METAP2: variants seen among roughly 807,000 people sequenced by gnomAD.
METAP2 encodes methionyl aminopeptidase 2.
In METAP2, 25 loss-of-function variants were observed where a neutral mutation model predicts 59.4. The observed-to-expected ratio is 0.42, with a 90% confidence interval of 0.31 to 0.59. The LOEUF (loss-of-function observed/expected upper bound fraction) is 0.59, where lower values mean the gene tolerates loss of function less well. METAP2 is among the 20% of genes least tolerant of loss of function. The pLI is 0.16. For synonymous variants in METAP2, 214 were observed against 194.1 expected, an observed-to-expected ratio of 1.10 and a Z score of -0.85; for missense variants, 366 against 581.2, an observed-to-expected ratio of 0.63 and a Z score of 3.81.
chr12:95,484,579 G>A lies in METAP2; in HGVS notation c.325+1299G>A, dbSNP rs527930536. ...ACCAGCAGGGAGGAGTGTTGTTAGA[G>A]GACTGTTTTATATTTGCCCTTGACA... On this transcript the variant is annotated intron_variant, in intron 3 of 10. Transcript: ENST00000323666. Among the ~76,000 whole-genome samples, 11 of 152,000 alleles carry A rather than the reference G, an allele frequency of 7.2e-5. No homozygotes were observed. In the East Asian group the frequency reaches 2.1e-3, roughly 29 times the overall value.
intron 2 of METAP2, chr12:95,482,143 C>T (rs1462703398): frequency 4.4e-6 from 2 of 453,466 alleles, no homozygotes; most frequent in African/African-American, 2.0e-5. Context: ...AGATCTCCCT[C>T]CCGTCACCCA....
intron 8 of METAP2, among the ~76,000 whole-genome samples, chr12:95,511,222 A>G (rs1411080313): frequency 6.6e-6 from 1 of 151,992 alleles, no homozygotes; most frequent in Non-Finnish European, 1.5e-5. Flanking sequence ...TATCTTTCAC[A>G]TTATCTTTTG....
intron 7 of METAP2, among the ~76,000 whole-genome samples, chr12:95,502,256 T>G (rs1052101614): frequency 6.6e-6 from 1 of 152,304 alleles, no homozygotes; most frequent in Non-Finnish European, 1.5e-5. Context: ...TCCTCCCACC[T>G]TGGCCTTCCA....
At chr12:95,508,349 A>G (rs773814690) in intron 8 of METAP2, among the ~76,000 whole-genome samples, 2 of 152,178 alleles carry the variant, frequency 1.3e-5, no homozygotes, top group Non-Finnish European at 2.9e-5. Flanking sequence ...TGCTGCTTCT[A>G]TTAACACTTT....
At chr12:95,478,115 C>T (rs1343677591) in intron 2 of METAP2, among the ~76,000 whole-genome samples, 1 of 151,830 alleles carries the variant, frequency 6.6e-6, no homozygotes, top group Admixed American at 6.6e-5. Flanking sequence ...ACCCGTCCAC[C>T]TCCCCCCACC....
chr12:95,484,986 A>G, intron 3 of METAP2: 2 of 425,000 alleles, frequency 4.7e-6, no homozygotes, highest in Non-Finnish European at 9.2e-6. Flanking sequence ...AACAAGCCAA[A>G]TAATATAATC....
At chr12:95,476,510 A>G (rs1200295089) in intron 2 of METAP2, among the ~76,000 whole-genome samples, 7 of 141,588 alleles carry the variant, frequency 4.9e-5, no homozygotes, top group African/African-American at 1.4e-4. Flanking sequence ...AGACTGTCTC[A>G]AAAAAAAGAA....
chr12:95,483,347 A>C, intron 3 of METAP2, 67 bp downstream of exon 3: 56 of 1,276,896 alleles, frequency 4.4e-5, no homozygotes, highest in Non-Finnish European at 5.6e-5. Context: ...GTGGTGGCTC[A>C]CACCTGTGAT....
intron 3 of METAP2, chr12:95,485,006 T>A: frequency 2.5e-6 from 1 of 395,542 alleles, no homozygotes; most frequent in South Asian, 1.9e-5. Context: ...CATGGGCAGT[T>A]CACTGCCCTC....
At chr12:95,475,839 T>G (rs1351325879) in intron 1 of METAP2, among the ~76,000 whole-genome samples, 1 of 152,226 alleles carries the variant, frequency 6.6e-6, no homozygotes, top group African/African-American at 2.4e-5. Flanking sequence ...TGTTTATCTT[T>G]TAGCTGCTAG....
chr12:95,507,129 C>T (rs572515775), intron 8 of METAP2, among the ~76,000 whole-genome samples: 2 of 152,318 alleles, frequency 1.3e-5, no homozygotes, highest in African/African-American at 4.8e-5. Context: ...AGAAAACACA[C>T]TTTGGGGTTC....
intron 8 of METAP2, 37 bp downstream of exon 8, chr12:95,504,198 AT>A: frequency 7.2e-7 from 1 of 1,392,878 alleles, no homozygotes; most frequent in Non-Finnish European, 1.0e-6. Context: ...TTTGAAATTG[AT>A]TTTACAAACT....
chr12:95,497,163 A>G (rs185791129), intron 7 of METAP2, among the ~76,000 whole-genome samples: 16 of 152,264 alleles, frequency 1.1e-4, no homozygotes, highest in Admixed American at 7.2e-4. Context: ...AAGTACATTC[A>G]TAATATTGTG....
Position 95,476,144 on chromosome 12 carries a change from A to T in METAP2, c.225A>T (p.Ala75=), listed in dbSNP as rs777643357. The part of the protein sequence containing the change: ...DEVARQLERS[A]LEDKERDEDD... ...TAGCAAGACAGTTGGAAAGATCAGCATTGGAAGATAAAGAAAGAGATGAAG... is the reference window on the plus strand; with the variant it reads ...TAGCAAGACAGTTGGAAAGATCAGCTTTGGAAGATAAAGAAAGAGATGAAG... The change falls in exon 2 of 11, where the codon GCA becomes GCT. Residue 75 remains alanine (A), a synonymous_variant. Transcript: ENST00000323666. 3.7e-6 allele frequency: 6 copies of T among 1,610,678 alleles called. No homozygotes were observed. The highest frequency in any genetic ancestry group is 4.2e-6 in the Non-Finnish European group (5 of 1,178,108).
In METAP2 at chr12:95,511,947, T is replaced by C. The variant is rs1354958474; in HGVS notation, c.1017T>C (p.His339=). Residue 339 remains histidine (H), a synonymous_variant, in exon 9 of 11, where the codon CAT becomes CAC. Transcript: ENST00000323666. ...NGHSIGQYRI[H]AGKTVPIVKG... is the part of the protein sequence containing the mutation. ...ATTCAATTGGGCAATATAGAATACATGCTGGAAAAACAGTGCCGATTGTGA... is the reference window on the plus strand; with the variant it reads ...ATTCAATTGGGCAATATAGAATACACGCTGGAAAAACAGTGCCGATTGTGA... The C allele has an allele frequency of 6.2e-7, 1 of 1,613,632 alleles. No individual in the cohort carries two copies. The highest frequency in any genetic ancestry group is 2.2e-5 in the East Asian group (1 of 44,876).
chr12:95,508,944 A>G (rs2076381664), intron 8 of METAP2, among the ~76,000 whole-genome samples: 2 of 150,406 alleles, frequency 1.3e-5, no homozygotes, highest in South Asian at 2.1e-4. Context: ...GGATGTGGAA[A>G]AATCATGATA....
At chr12:95,485,812 A>G in intron 3 of METAP2, 67 bp from the exon 4 acceptor site, 1 of 1,083,222 alleles carries the variant, frequency 9.2e-7, no homozygotes, top group Non-Finnish European at 1.3e-6. Context: ...AGGAACTGAG[A>G]AAACTCTAAT....
chr12:95,504,887 T>C (rs2076346235), intron 8 of METAP2, among the ~76,000 whole-genome samples: 1 of 152,196 alleles, frequency 6.6e-6, no homozygotes, highest in South Asian at 2.1e-4. Context: ...TGCCTTCTAG[T>C]CTTTACCAGT....
chr12:95,489,218 G>A (rs1437788368), intron 4 of METAP2, among the ~76,000 whole-genome samples: 1 of 152,224 alleles, frequency 6.6e-6, no homozygotes, highest in African/African-American at 2.4e-5. Context: ...CAATGTGAAT[G>A]TTATGGAACA....
Sources: allele counts gnomAD v4.1 joint callset (sites outside exome capture counted in the v4.1 genomes callset), GRCh38; gene constraint gnomAD v4.1.1; transcripts MANE v1.5; gene names NCBI Gene and HGNC (gene_info 2026-07-23, HGNC 2026-07-21).